The following MDGA2 variants were observed in gnomAD, a reference collection of about 807,000 sequenced individuals.
MDGA2 encodes MAM domain-containing glycosylphosphatidylinositol anchor protein 2.
Under a neutral mutation model 117.8 loss-of-function variants are expected in MDGA2, and 40 were observed. The observed-to-expected ratio is 0.34, with a 90% CI of 0.26 to 0.44. The LOEUF (loss-of-function observed/expected upper bound fraction) is 0.44. MDGA2 is among the 20% of genes least tolerant of loss of function. The probability of loss-of-function intolerance (pLI) is 1.00; values close to 1 mark genes in which losing one functional copy is unlikely to be tolerated. For missense variants in MDGA2, 1,123 were observed against 1,250.6 expected, an observed-to-expected ratio of 0.90 and a Z score of 1.54; for synonymous variants, 452 against 439.0, an observed-to-expected ratio of 1.03 and a Z score of -0.37.
At chr14:47,410,008 A>G (rs1892338737) in intron 1 of MDGA2, among the ~76,000 whole-genome samples, 1 of 152,214 alleles carries the variant, frequency 6.6e-6, no homozygotes, top group Admixed American at 6.5e-5. Context: ...CACAATCATT[A>G]CAGGCTATGA....
chr14:47,253,686 C>T (rs1293689190), intron 2 of MDGA2, among the ~76,000 whole-genome samples: 1 of 152,118 alleles, frequency 6.6e-6, no homozygotes, highest in African/African-American at 2.4e-5. Context: ...GTGAATCTAC[C>T]ATTCAGGGAT....
At chr14:47,483,389 A>G (rs1167564276) in intron 1 of MDGA2, among the ~76,000 whole-genome samples, 2 of 152,034 alleles carry the variant, frequency 1.3e-5, no homozygotes, top group African/African-American at 4.8e-5. Flanking sequence ...GACACAAACA[A>G]TCATCATAAT....
intron 1 of MDGA2, among the ~76,000 whole-genome samples, chr14:47,524,829 C>G (rs1485702349): frequency 6.6e-6 from 1 of 152,172 alleles, no homozygotes; most frequent in Non-Finnish European, 1.5e-5. Flanking sequence ...TTCAGTAACA[C>G]TTGCTAAGTT....
Position 47,010,206 on chromosome 14 carries a change from A to C in MDGA2, c.1819+24805T>G, listed in dbSNP as rs74739263. On this transcript the variant is annotated intron_variant, in intron 8 of 16. Coordinates refer to ENST00000399232, the MANE Select transcript of MDGA2 (RefSeq NM_001113498.3). ...TAAGGATAGAAATTAGATCATAATAATCTTTGGATCCTCAGCACTTAGTCC... is the reference window on the plus strand; with the variant it reads ...TAAGGATAGAAATTAGATCATAATACTCTTTGGATCCTCAGCACTTAGTCC... Among the ~76,000 whole-genome samples the C allele has an allele frequency of 4.3e-3, 652 of 152,152 alleles. 7 individuals are homozygous for C. The highest frequency in any genetic ancestry group is 0.015 in the African/African-American group (621 of 41,524).
At chr14:47,319,755 T>C (rs1249811378) in intron 1 of MDGA2, among the ~76,000 whole-genome samples, 2 of 152,174 alleles carry the variant, frequency 1.3e-5, no homozygotes, top group African/African-American at 2.4e-5. Flanking sequence ...AAAGATTAAC[T>C]TTTTTTCTGT....
intron 6 of MDGA2, among the ~76,000 whole-genome samples, chr14:47,067,170 C>T (rs1890117176): frequency 1.3e-5 from 2 of 152,098 alleles, no homozygotes; most frequent in Admixed American, 1.3e-4. Context: ...TGAAAATTGA[C>T]TATATGAAAA....
rs143596901 is a variant in MDGA2 at position 47,163,804 on chromosome 14, G to T, written c.596-19530C>A. Among the ~76,000 whole-genome samples, 950 of 152,266 alleles carry T rather than the reference G, an allele frequency of 6.2e-3. 12 individuals carry two copies. Among genetic ancestry groups the T allele is most frequent in the African/African-American group, 0.021 (890 of 41,542 alleles). On this transcript the variant is annotated intron_variant, in intron 3 of 16. Transcript: ENST00000399232. ...GGAAGGACCCATTCCAGTGGCATAT[G>T]GTGACAGTAGTGACAACAATGTTGT...
At chr14:47,645,188 A>AATT (rs1199971064) in intron 1 of MDGA2, among the ~76,000 whole-genome samples, 2 of 152,162 alleles carry the variant, frequency 1.3e-5, no homozygotes, top group Non-Finnish European at 2.9e-5. Context: ...ATAAGAAACT[A>AATT]AGACACTGTT....
intron 1 of MDGA2, among the ~76,000 whole-genome samples, chr14:47,402,721 T>C (rs1156667361): frequency 6.6e-6 from 1 of 152,200 alleles, no homozygotes; most frequent in Admixed American, 6.5e-5. Flanking sequence ...GTATGTTTCA[T>C]CTTTGTCCTA....
At chr14:46,983,663 C>A (rs894248979) in intron 8 of MDGA2, among the ~76,000 whole-genome samples, 5 of 152,064 alleles carry the variant, frequency 3.3e-5, no homozygotes, top group Non-Finnish European at 5.9e-5. Flanking sequence ...ACCTGGTTTT[C>A]AGTAATATCA....
chr14:47,324,743 T>C (rs1334025562), intron 1 of MDGA2, among the ~76,000 whole-genome samples: 1 of 152,154 alleles, frequency 6.6e-6, no homozygotes, highest in Non-Finnish European at 1.5e-5. Flanking sequence ...AATTTAAACA[T>C]GCAAGAGGTT....
chr14:47,084,516 T>G (rs1173257453), intron 6 of MDGA2, among the ~76,000 whole-genome samples: 2 of 147,154 alleles, frequency 1.4e-5, no homozygotes. Flanking sequence ...AAAAAAAAAC[T>G]GACATGCTGA....
At chr14:47,469,789 A>G (rs1214789854) in intron 1 of MDGA2, among the ~76,000 whole-genome samples, 6 of 152,020 alleles carry the variant, frequency 3.9e-5, no homozygotes, top group Non-Finnish European at 8.8e-5. Context: ...AAGTGTTCCT[A>G]TTTCTCCACA....
chr14:47,186,946 G>A (rs987474728), intron 3 of MDGA2, among the ~76,000 whole-genome samples: 2 of 151,814 alleles, frequency 1.3e-5, no homozygotes, highest in Non-Finnish European at 2.9e-5. Context: ...ATCTCATTCT[G>A]AATGTGGCTC....
At chr14:47,552,153 G>A (rs1361188537) in intron 1 of MDGA2, among the ~76,000 whole-genome samples, 2 of 151,980 alleles carry the variant, frequency 1.3e-5, no homozygotes, top group Admixed American at 6.6e-5. Flanking sequence ...ATATATTGTA[G>A]TTCTCCCAGG....
chr14:47,065,936 G>A (rs1374201102), intron 6 of MDGA2, among the ~76,000 whole-genome samples: 1 of 152,152 alleles, frequency 6.6e-6, no homozygotes, highest in East Asian at 1.9e-4. Context: ...TTGAGATCTG[G>A]ATATAGAAAC....
chr14:47,103,699 T>C (rs1326896333), intron 5 of MDGA2, among the ~76,000 whole-genome samples: 2 of 152,200 alleles, frequency 1.3e-5, no homozygotes, highest in Non-Finnish European at 2.9e-5. Flanking sequence ...AAAAATTGCA[T>C]AACTTTTAGG....
chr14:47,651,215 T>TGTGTGTGTGTGTGTGTGTGTGCATGTG (rs1897635256), intron 1 of MDGA2, among the ~76,000 whole-genome samples: 1 of 4,022 alleles, frequency 2.5e-4, no homozygotes. Flanking sequence ...GTGCATGTGG[T>TGTGTGTGTGTGTGTGTGTGTGCATGTG]GTGTGTGTGT....
intron 6 of MDGA2, among the ~76,000 whole-genome samples, chr14:47,086,252 C>G (rs1230438826): frequency 6.6e-6 from 1 of 150,848 alleles, no homozygotes; most frequent in Non-Finnish European, 1.5e-5. Context: ...GTTGAGCCAA[C>G]AAAGTAAAAA....
Sources: gnomAD v4.1 joint callset for allele counts (sites outside exome capture counted in the v4.1 genomes callset) on GRCh38, gnomAD v4.1.1 for gene constraint, MANE v1.5 for transcripts, NCBI Gene and HGNC (gene_info 2026-07-23, HGNC 2026-07-21) for gene names.